Variants in EXD3 observed in about 807,000 individuals in gnomAD.
EXD3 encodes exonuclease 3'-5' domain containing 3.
In EXD3, 92 loss-of-function variants were observed where a neutral mutation model predicts 98.0. The ratio of observed to expected loss-of-function variants is 0.94; its 90% CI spans 0.79 to 1.12. EXD3 has a LOEUF of 1.12. Ranked by LOEUF, EXD3 falls within the 50% of genes most tolerant of loss-of-function variation. The pLI, the probability that EXD3 is intolerant of heterozygous loss-of-function variation, is 0.00. For missense variants in EXD3, 1,222 were observed against 1,191.6 expected, an observed-to-expected ratio of 1.03 and a Z score of -0.38; for synonymous variants, 569 against 526.0, an observed-to-expected ratio of 1.08 and a Z score of -1.12.
intron 7 of EXD3, among the ~76,000 whole-genome samples, chr9:137,362,936 G>A (rs758231227): frequency 1.3e-4 from 19 of 151,992 alleles, no homozygotes; most frequent in Non-Finnish European, 2.2e-4. Flanking sequence ...TCAGCCTCCT[G>A]AGTAGCTGGG....
chr9:137,312,888 C>T (rs750239868), intron 19 of EXD3, among the ~76,000 whole-genome samples: 3 of 152,140 alleles, frequency 2.0e-5, no homozygotes, highest in Admixed American at 2.0e-4. Flanking sequence ...GTCTGTGTGC[C>T]CACCTGACCT....
intron 3 of EXD3, among the ~76,000 whole-genome samples, chr9:137,379,293 T>G (rs369126620): frequency 5.1e-4 from 3 of 5,928 alleles, no homozygotes; most frequent in Non-Finnish European, 8.6e-4. Context: ...TGGGTGACGG[T>G]GACCGTTGCC....
At chr9:137,391,230 G>A (rs374296123) in intron 2 of EXD3, among the ~76,000 whole-genome samples, 10 of 152,388 alleles carry the variant, frequency 6.6e-5, no homozygotes, top group South Asian at 4.1e-4. Context: ...TTACGAGAGC[G>A]GCATGCGCTC....
chr9:137,329,566 ACTACACGGGG>A (rs1405521757), intron 17 of EXD3, among the ~76,000 whole-genome samples: 3 of 23,470 alleles, frequency 1.3e-4, no homozygotes, highest in African/African-American at 9.3e-4. Flanking sequence ...ACTACACGGG[ACTACACGGGG>A]CTACACGGGA....
rs1354254334 is a variant in EXD3, at chr9:137,385,313, G to A, written c.56-1936C>T. Among the ~76,000 whole-genome samples the A allele has an allele frequency of 2.6e-5, 4 of 152,102 alleles. No individual in the cohort carries two copies. The East Asian group carries it at 7.7e-4, about 29-fold the overall frequency. On this transcript the variant is annotated intron_variant, in intron 2 of 21. Transcript: ENST00000340951. The surrounding 1 kb of genome is among the most constrained non-coding windows in gnomAD (Gnocchi z 4.4). ...ATCAGCCCCGGGACGATGCCCAGGT[G>A]GGGAGGACGTACCCCACCACGTGGC...
intron 16 of EXD3, among the ~76,000 whole-genome samples, chr9:137,348,658 TAGAG>T (rs1328275817): frequency 1.6e-5 from 1 of 61,024 alleles, no homozygotes; most frequent in Admixed American, 1.7e-4. Flanking sequence ...GGGGGCTAGA[TAGAG>T]AGGGGTGGGG....
At chr9:137,331,503 C>T (rs559664014) in intron 17 of EXD3, among the ~76,000 whole-genome samples, 7 of 152,138 alleles carry the variant, frequency 4.6e-5, no homozygotes, top group Non-Finnish European at 8.8e-5. Context: ...CTGTATACCT[C>T]GAAAACCCTA....
chr9:137,380,707 C>A (rs1464217362), intron 3 of EXD3, among the ~76,000 whole-genome samples: 5 of 117,538 alleles, frequency 4.3e-5, no homozygotes, highest in Non-Finnish European at 8.8e-5. Context: ...CCCCCTTCCT[C>A]CCTGCTGGCT....
chr9:137,334,591 G>A (rs1056038783), intron 17 of EXD3, among the ~76,000 whole-genome samples: 8 of 152,126 alleles, frequency 5.3e-5, no homozygotes, highest in African/African-American at 1.7e-4. Flanking sequence ...GCTCAAGATG[G>A]ATGAAAGACT....
Position 137,347,641 on chromosome 9 carries a change from A to G in EXD3, c.1998+430T>C, listed in dbSNP as rs1450764379. ...CTATTTTTGGTACAGACGGGGTTTC[A>G]CCATATTGGTCAGGCTGGTCTCCAA... is the stretch of plus-strand genomic sequence containing the variant. On this transcript the variant is annotated intron_variant, in intron 17 of 21. Transcript: ENST00000340951. The surrounding 1 kb of genome is among the most constrained non-coding windows in gnomAD (Gnocchi z 4.2). 6.6e-6 allele frequency among the ~76,000 whole-genome samples: 1 copy of G among 151,638 alleles called. No individual in the cohort carries two copies. The highest frequency in any genetic ancestry group is 1.5e-5 in the Non-Finnish European group (1 of 67,924).
At chr9:137,360,467 T>TA in intron 7 of EXD3, among the ~76,000 whole-genome samples, 1 of 75,948 alleles carries the variant, frequency 1.3e-5, no homozygotes, top group Non-Finnish European at 3.2e-5. Context: ...CTTCTTCTTT[T>TA]TTTTTTTTTT....
At chr9:137,331,308 G>C (rs1833052556) in intron 17 of EXD3, among the ~76,000 whole-genome samples, 1 of 152,016 alleles carries the variant, frequency 6.6e-6, no homozygotes, top group East Asian at 1.9e-4. Flanking sequence ...ATACTAAATG[G>C]GGAAAAGTGG....
chr9:137,331,896 A>G (rs1833081167), intron 17 of EXD3, among the ~76,000 whole-genome samples: 1 of 152,154 alleles, frequency 6.6e-6, no homozygotes, highest in Admixed American at 6.5e-5. Flanking sequence ...CGCCTGGGCA[A>G]CAGGGTGAGA....
chr9:137,323,794 C>G lies in EXD3; in HGVS notation c.2115G>C (p.Gln705His). The change falls in exon 19 of 22, where the codon CAG becomes CAC. Residue 705 changes from glutamine to histidine, a missense_variant. By Grantham distance (24) the Gln-to-His change is conservative. Transcript: ENST00000340951. ...LSVDCSLKAQ[Q>H]QAKAVLKHFN... ...AATGCTTGAGCACAGCCTTGGCCTGCTGCTGGGCCTTCAGGGAGCAGTCGA... is the reference window on the plus strand; with the variant it reads ...AATGCTTGAGCACAGCCTTGGCCTGGTGCTGGGCCTTCAGGGAGCAGTCGA... 1.2e-6 allele frequency: 2 copies of G among 1,612,344 alleles called. No individual in the cohort carries two copies. The highest frequency in any genetic ancestry group is 3.4e-4 in the Middle Eastern group (2 of 5,938).
Position 137,366,485 on chromosome 9 carries a change from G to C in EXD3, c.656+8C>G. ...TGGTGCCAGCTGCCAGCGCCCCACG[G>C]GACTCACCTGGCAACGTCCTTGATG... On this transcript the variant is annotated splice_region_variant and intron_variant, in intron 7 of 21. Coordinates refer to ENST00000340951, the MANE Select transcript of EXD3 (RefSeq NM_017820.5). The C allele has an allele frequency of 6.5e-7, 1 of 1,547,784 alleles. No individual in the cohort carries two copies.
intron 17 of EXD3, among the ~76,000 whole-genome samples, chr9:137,328,430 C>G (rs954458473): frequency 2.2e-4 from 33 of 147,432 alleles, no homozygotes; most frequent in East Asian, 1.0e-3. Context: ...AACTAATATA[C>G]ACTCATATGA....
At chr9:137,379,252 T>TA (rs1836088556) in intron 3 of EXD3, among the ~76,000 whole-genome samples, 1 of 124,814 alleles carries the variant, frequency 8.0e-6, no homozygotes, top group Admixed American at 8.8e-5. Flanking sequence ...CCGAGGGGAA[T>TA]GGGGCGTCTG....
rs957246322 is a variant in EXD3, at chr9:137,373,619, C to T, written c.121-20G>A. On this transcript the variant is annotated intron_variant, in intron 3 of 21. Transcript: ENST00000340951. ...CCGGAGCTGTGGAGACACAAAACCA[C>T]ACTGGCACTTTGTCTTGCACTCAAA... 3 of 1,582,992 alleles carry T rather than the reference C, an allele frequency of 1.9e-6. No individual in the cohort carries two copies. The highest frequency in any genetic ancestry group is 1.4e-5 in the African/African-American group (1 of 73,948).
At chr9:137,318,371 G>A (rs1021513089) in intron 19 of EXD3, among the ~76,000 whole-genome samples, 3 of 152,010 alleles carry the variant, frequency 2.0e-5, no homozygotes, top group Non-Finnish European at 2.9e-5. Flanking sequence ...GGGAGCCCTC[G>A]GAGGCAGGGT....
Sources: allele counts gnomAD v4.1 joint callset (sites outside exome capture counted in the v4.1 genomes callset), GRCh38; gene constraint gnomAD v4.1.1; non-coding constraint Gnocchi (gnomAD v3.1); transcripts MANE v1.5; gene names NCBI Gene and HGNC (gene_info 2026-07-23, HGNC 2026-07-21).